The following PDE6A variants were observed in gnomAD, a reference collection of about 807,000 sequenced individuals.
PDE6A encodes the protein phosphodiesterase 6A.
A neutral mutation model predicts 106.3 loss-of-function variants in PDE6A; 84 were observed. That is an observed-to-expected ratio of 0.79 (90% CI 0.66 to 0.95). The LOEUF is 0.95. PDE6A is among the 40% of genes least tolerant of loss of function. PDE6A has a pLI of 0.00. For synonymous variants in PDE6A, 394 were observed against 386.6 expected, an observed-to-expected ratio of 1.02 and a Z score of -0.23; for missense variants, 1,052 against 1,084.9, an observed-to-expected ratio of 0.97 and a Z score of 0.43.
intron 7 of PDE6A, 106 bp downstream of exon 7, chr5:149,907,206 A>T: frequency 2.2e-6 from 2 of 889,958 alleles, no homozygotes; most frequent in Middle Eastern, 2.2e-4. Context: ...GCTTTTAGAG[A>T]TCCACACTTG....
intron 10 of PDE6A, among the ~76,000 whole-genome samples, chr5:149,897,923 G>A (rs1040860931): frequency 2.0e-5 from 3 of 152,098 alleles, no homozygotes; most frequent in Non-Finnish European, 4.4e-5. Context: ...CCCACAGGAG[G>A]GAGGCTCTGA....
chr5:149,903,558 A>G, intron 8 of PDE6A, 90 bp downstream of exon 8: 3 of 994,276 alleles, frequency 3.0e-6, no homozygotes, highest in Non-Finnish European at 4.9e-6. Flanking sequence ...GCTGCTTCCC[A>G]GCAGAGTGGG....
In PDE6A at chr5:149,944,387, A is replaced by T. The variant is rs2113673388; in HGVS notation, c.287T>A (p.Leu96Gln). The T allele has an allele frequency of 7.4e-6, 12 of 1,614,162 alleles. No homozygotes were observed. The highest frequency in any genetic ancestry group is 1.0e-5 in the Non-Finnish European group (12 of 1,180,020). Residue 96 changes from leucine to glutamine, a missense_variant, in exon 1 of 22, where the codon CTG (leucine) becomes CAG (glutamine). Transcript: ENST00000255266. ...GCCATTGCGGGTCCGGTACATGAAC[A>T]GGCTCATGCGGTCTGCCTGCAGGAG... Reference protein sequence around the residue: ...CFLLQADRMSLFMYRTRNGIA... With the variant: ...CFLLQADRMSQFMYRTRNGIA...
In PDE6A at chr5:149,914,975, G is replaced by A; in HGVS notation, c.966C>T (p.Ile322=). The part of the protein sequence containing the change: ...EINFYKVIDY[I]LHGKEDIKVI... Reference sequence around the variant, plus strand: ...CTTTGATGTCCTCTTTGCCATGCAGGATGTAGTCAATGACCTTGTAAAAGT... The same window carrying A: ...CTTTGATGTCCTCTTTGCCATGCAGAATGTAGTCAATGACCTTGTAAAAGT... The change falls in exon 6 of 22, where the codon ATC becomes ATT. Residue 322 remains isoleucine (I), a synonymous_variant. Coordinates refer to ENST00000255266, the MANE Select transcript of PDE6A (RefSeq NM_000440.3). 1 of 1,609,444 alleles carries A rather than the reference G, an allele frequency of 6.2e-7. No homozygotes were observed. The highest frequency in any genetic ancestry group is 1.1e-5 in the South Asian group (1 of 90,988).
chr5:149,932,642 G>C (rs767173026), intron 3 of PDE6A: 2 of 1,613,420 alleles, frequency 1.2e-6, no homozygotes, highest in Admixed American at 1.7e-5. Context: ...ATTCCATTTC[G>C]TACGAATTCG....
chr5:149,940,301 A>G (rs1294907605), intron 1 of PDE6A, among the ~76,000 whole-genome samples: 1 of 152,220 alleles, frequency 6.6e-6, no homozygotes, highest in Non-Finnish European at 1.5e-5. Context: ...GAAGAGTTGA[A>G]GGGAGAATAG....
chr5:149,873,623 C>G lies in PDE6A; in HGVS notation c.2136-5465G>C, dbSNP rs564223663. ...CTGAGATTACAGGTGTGAGCCACCA[C>G]GCCTGGCCATGAAATATTATTCTGT... On this transcript the variant is annotated intron_variant, in intron 17 of 21. Coordinates refer to ENST00000255266, the MANE Select transcript of PDE6A (RefSeq NM_000440.3). Among the ~76,000 whole-genome samples the G allele has an allele frequency of 1.5e-4, 23 of 152,240 alleles. 1 individual carries two copies. Among genetic ancestry groups the G allele is most frequent in the African/African-American group, 5.5e-4 (23 of 41,538 alleles).
At chr5:149,927,297 G>C (rs1753891485) in intron 4 of PDE6A, among the ~76,000 whole-genome samples, 1 of 152,182 alleles carries the variant, frequency 6.6e-6, no homozygotes, top group African/African-American at 2.4e-5. Flanking sequence ...CAGTGAGTGA[G>C]TGGTGAGTGA....
rs898179811 is a variant in PDE6A, at chr5:149,934,579, T to C, written c.614A>G (p.Lys205Arg). The change falls in exon 2 of 22, where the codon AAG (lysine) becomes AGG (arginine). Residue 205 changes from lysine to arginine, a missense_variant. Physicochemically the swap from Lys to Arg is conservative, Grantham distance 26. Transcript: ENST00000255266. ...AAGCATTCTTACCTCTTCATCTCTC[T>C]TGGTGAAGTGGGATCCATCCACTTT... ...VNKVDGSHFT[K>R]RDEEILLKYL... The C allele has an allele frequency of 1.2e-5, 19 of 1,614,150 alleles. No homozygotes were observed. The highest frequency in any genetic ancestry group is 1.3e-5 in the African/African-American group (1 of 75,054).
rs533713711 is a variant in PDE6A at position 149,928,086 on chromosome 5, T to A, written c.858+2942A>T. 2.0e-5 allele frequency among the ~76,000 whole-genome samples: 3 copies of A among 150,850 alleles called. No homozygotes were observed. In the South Asian group the frequency reaches 6.3e-4, roughly 31 times the overall value. The stretch of plus-strand genomic sequence containing the variant: ...GTTAACTTTTTTCTTTTTTAATAAG[T>A]AGAAGGAGTCAACTCTAAAATAATG... On this transcript the variant is annotated intron_variant, in intron 4 of 21. Coordinates refer to ENST00000255266, the MANE Select transcript of PDE6A (RefSeq NM_000440.3).
At chr5:149,930,976 C>A in intron 4 of PDE6A, 52 bp downstream of exon 4, 1 of 1,571,582 alleles carries the variant, frequency 6.4e-7, no homozygotes, top group South Asian at 1.1e-5. Flanking sequence ...AGCCGTCAGT[C>A]AGTGTCTGTT....
chr5:149,891,802 CAA>C, intron 13 of PDE6A, among the ~76,000 whole-genome samples: 1 of 136,728 alleles, frequency 7.3e-6, no homozygotes. Flanking sequence ...GACCCTATCT[CAA>C]AAAAAAAAGG....
In PDE6A at chr5:149,875,637, G is replaced by A. The variant is rs377761856; in HGVS notation, c.2136-7479C>T. Among the ~76,000 whole-genome samples, 333 of 151,870 alleles carry A rather than the reference G, an allele frequency of 2.2e-3. 4 individuals are homozygous for A. In the Middle Eastern group the frequency reaches 0.031, roughly 14 times the overall value. ...CCTGAGTAGTTGGGACCACAGGTGC[G>A]TGCCACCACACCCAGGGAAATTTTT... On this transcript the variant is annotated intron_variant, in intron 17 of 21. Coordinates refer to ENST00000255266, the MANE Select transcript of PDE6A (RefSeq NM_000440.3).
At position 149,932,851 on chromosome 5, in the gene PDE6A, C is replaced by T. The variant is rs111562935; in HGVS notation, c.717+1079G>A. Among the ~76,000 whole-genome samples the T allele has an allele frequency of 7.0e-3, 1,065 of 152,354 alleles. 14 individuals are homozygous for T. The highest frequency in any genetic ancestry group is 0.024 in the African/African-American group (1,008 of 41,582). On this transcript the variant is annotated intron_variant, in intron 3 of 21. Transcript: ENST00000255266. ...GCCCACAGGAGGGTCCCGGTGAGGA[C>T]CGCCGCCCTCCGGCTCCCAGGGCGC...
At chr5:149,866,116 A>T (rs903013051) in intron 20 of PDE6A, 54 bp downstream of exon 20, 28 of 1,285,038 alleles carry the variant, frequency 2.2e-5, no homozygotes, top group Non-Finnish European at 2.3e-6. Flanking sequence ...GTTGTCTGGA[A>T]ATCCCAGGTT....
At chr5:149,896,232 T>C (rs1426584128) in intron 12 of PDE6A, 124 bp downstream of exon 12, 4 of 785,690 alleles carry the variant, frequency 5.1e-6, no homozygotes, top group Non-Finnish European at 2.1e-6. Context: ...CATGACTAAT[T>C]CTTTAAATCC....
intron 5 of PDE6A, among the ~76,000 whole-genome samples, 169 bp downstream of exon 5, chr5:149,921,466 C>T (rs1275527742): frequency 6.6e-6 from 1 of 151,494 alleles, no homozygotes; most frequent in South Asian, 2.1e-4. Context: ...TTTTATTTTA[C>T]TTTTAGCACC....
intron 4 of PDE6A, among the ~76,000 whole-genome samples, chr5:149,923,535 TAACATAACATAACATAA>T (rs1337330089): frequency 5.4e-5 from 7 of 128,738 alleles, no homozygotes; most frequent in African/African-American, 2.5e-4. Flanking sequence ...TAACATAACA[TAACATAACATAACATAA>T]CATAACATAA....
intron 5 of PDE6A, among the ~76,000 whole-genome samples, chr5:149,915,394 C>T (rs1581197220): frequency 6.6e-6 from 1 of 152,012 alleles, no homozygotes; most frequent in African/African-American, 2.4e-5. Context: ...ATCGTATGCC[C>T]CGTAGTTTTT....
Sources: allele counts gnomAD v4.1 joint callset (sites outside exome capture counted in the v4.1 genomes callset), GRCh38; gene constraint gnomAD v4.1.1; transcripts MANE v1.5; gene names NCBI Gene and HGNC (gene_info 2026-07-23, HGNC 2026-07-21).